Variants in CLVS1 observed in about 807,000 individuals in gnomAD.
CLVS1 encodes the protein clavesin 1, also known as clavesin-1.
CLVS1 carries 10 observed loss-of-function variants against 33.1 expected under a neutral mutation model. The observed-to-expected ratio is 0.30, with a 90% CI of 0.19 to 0.51. The LOEUF (loss-of-function observed/expected upper bound fraction) is 0.51. CLVS1 is among the 20% of genes least tolerant of loss of function. The probability of loss-of-function intolerance (pLI) is 0.97; values close to 1 mark genes in which losing one functional copy is unlikely to be tolerated. For synonymous variants in CLVS1, 163 were observed against 166.1 expected, an observed-to-expected ratio of 0.98 and a Z score of 0.14; for missense variants, 343 against 433.4, an observed-to-expected ratio of 0.79 and a Z score of 1.85.
chr8:61,362,590 A>T (rs899535379), intron 2 of CLVS1, among the ~76,000 whole-genome samples: 2 of 152,196 alleles, frequency 1.3e-5, no homozygotes, highest in African/African-American at 4.8e-5. Flanking sequence ...TCTGCCCAAT[A>T]AATGCTGGTA....
At chr8:61,189,887 C>G (rs1295749493) in intron 2 of CLVS1, among the ~76,000 whole-genome samples, 9 of 152,288 alleles carry the variant, frequency 5.9e-5, no homozygotes, top group East Asian at 5.8e-4. Context: ...TCCTTAGAGA[C>G]CTACGAAGAG....
chr8:61,442,902 G>A (rs1585981056), intron 3 of CLVS1, among the ~76,000 whole-genome samples: 1 of 152,098 alleles, frequency 6.6e-6, no homozygotes, highest in Admixed American at 6.5e-5. Flanking sequence ...CCTGGCCGGA[G>A]GTGTCACTAT....
At chr8:61,088,728 A>G (rs1226699344) in intron 1 of CLVS1, among the ~76,000 whole-genome samples, 1 of 151,530 alleles carries the variant, frequency 6.6e-6, no homozygotes, top group Non-Finnish European at 1.5e-5. Context: ...CCTCCATCCC[A>G]TTTTAGAAAT....
intron 1 of CLVS1, among the ~76,000 whole-genome samples, chr8:61,120,903 A>AT (rs1231111295): frequency 6.8e-6 from 1 of 148,002 alleles, no homozygotes; most frequent in Non-Finnish European, 1.5e-5. Flanking sequence ...GGCTCCACCC[A>AT]TTTCCAGCTT....
chr8:61,417,847 G>A (rs1815501824), intron 3 of CLVS1, among the ~76,000 whole-genome samples: 1 of 152,156 alleles, frequency 6.6e-6, no homozygotes, highest in African/African-American at 2.4e-5. Context: ...ACCTTGAAAG[G>A]GTTATAAAGA....
At chr8:61,360,231 G>A (rs919587135) in intron 2 of CLVS1, among the ~76,000 whole-genome samples, 4 of 152,128 alleles carry the variant, frequency 2.6e-5, no homozygotes, top group Non-Finnish European at 5.9e-5. Flanking sequence ...GATTTGCCGT[G>A]AGTGACTGGC....
intron 2 of CLVS1, among the ~76,000 whole-genome samples, chr8:61,237,274 G>A (rs780224752): frequency 6.6e-6 from 1 of 152,060 alleles, no homozygotes; most frequent in Non-Finnish European, 1.5e-5. Flanking sequence ...GCCTGTAAGG[G>A]CAAAATAGGA....
intron 1 of CLVS1, among the ~76,000 whole-genome samples, chr8:61,119,015 T>C (rs1283510506): frequency 6.6e-6 from 1 of 152,212 alleles, no homozygotes; most frequent in Non-Finnish European, 1.5e-5. Flanking sequence ...CTAAGTCTCT[T>C]TGCAGATCAC....
intron 3 of CLVS1, among the ~76,000 whole-genome samples, chr8:61,445,732 T>G (rs1274672255): frequency 6.6e-6 from 1 of 152,236 alleles, no homozygotes; most frequent in African/African-American, 2.4e-5. Flanking sequence ...AGAGACTCTG[T>G]AAAATTAGTG....
In CLVS1 at chr8:61,214,255, G is replaced by A. The variant is rs531590114; in HGVS notation, c.-152+82395G>A. ...TTGTGATATTCTATTACCTTGTAAA[G>A]TACTTGATGTCTGTGACCCACACCT... On this transcript the variant is annotated intron_variant, in intron 2 of 2. Transcript: ENST00000522621. Among the ~76,000 whole-genome samples the A allele has an allele frequency of 6.2e-4, 95 of 152,250 alleles. 1 individual carries two copies. The highest frequency in any genetic ancestry group is 2.2e-3 in the African/African-American group (91 of 41,528).
intron 1 of CLVS1, among the ~76,000 whole-genome samples, chr8:61,113,894 A>G (rs1328076448): frequency 6.6e-6 from 1 of 152,198 alleles, no homozygotes; most frequent in East Asian, 1.9e-4. Context: ...TTGGCCTCCC[A>G]AAGTCTTGGG....
intron 2 of CLVS1, among the ~76,000 whole-genome samples, chr8:61,323,270 G>A (rs757276481): frequency 6.6e-6 from 1 of 152,166 alleles, no homozygotes; most frequent in Non-Finnish European, 1.5e-5. Context: ...AGTTCTTCAA[G>A]AGGGCAAAAG....
intron 2 of CLVS1, among the ~76,000 whole-genome samples, chr8:61,356,357 T>C (rs1812707558): frequency 6.6e-6 from 1 of 152,212 alleles, no homozygotes; most frequent in East Asian, 1.9e-4. Context: ...TCTCCCATTT[T>C]GTAGGTTGCC....
At chr8:61,019,727 A>G in the CLVS1 span, among the ~76,000 whole-genome samples, 2 of 152,100 alleles carry the variant, frequency 1.3e-5, no homozygotes, top group African/African-American at 4.8e-5. Flanking sequence ...TTTCCCAAAC[A>G]TATCATCATC....
chr8:61,268,716 G>T (rs1275442277), intron 2 of CLVS1, among the ~76,000 whole-genome samples: 1 of 131,890 alleles, frequency 7.6e-6, no homozygotes, highest in Non-Finnish European at 1.6e-5. Context: ...ATTCTAACTG[G>T]TGTGAGATGG....
the CLVS1 span, among the ~76,000 whole-genome samples, chr8:61,035,090 T>C: frequency 1.3e-5 from 2 of 152,160 alleles, no homozygotes; most frequent in African/African-American, 2.4e-5. Context: ...AAATTTGTGT[T>C]TAGGGTTCAA....
At chr8:61,345,945 A>G (rs1015681477) in intron 2 of CLVS1, among the ~76,000 whole-genome samples, 1 of 152,090 alleles carries the variant, frequency 6.6e-6, no homozygotes, top group African/African-American at 2.4e-5. Context: ...CTCAAGAGTG[A>G]TGCTGCTGCA....
chr8:61,427,302 T>C (rs1391685275), intron 3 of CLVS1, among the ~76,000 whole-genome samples: 1 of 152,166 alleles, frequency 6.6e-6, no homozygotes. Flanking sequence ...TTTCTTGGTA[T>C]CTCCCCCTTC....
chr8:61,420,364 C>T (rs1277305052), intron 3 of CLVS1, among the ~76,000 whole-genome samples: 1 of 152,154 alleles, frequency 6.6e-6, no homozygotes, highest in Non-Finnish European at 1.5e-5. Context: ...CTTTGGGAGG[C>T]TGAGGCAGGC....
Sources: allele counts gnomAD v4.1 joint callset (sites outside exome capture counted in the v4.1 genomes callset), GRCh38; gene constraint gnomAD v4.1.1; transcripts MANE v1.5; gene names NCBI Gene and HGNC (gene_info 2026-07-23, HGNC 2026-07-21).